Variants in PKHD1 observed in about 807,000 individuals in gnomAD.
The protein encoded by PKHD1 is fibrocystin.
A neutral mutation model predicts 412.0 loss-of-function variants in PKHD1; 291 were observed. The ratio of observed to expected loss-of-function variants is 0.71; its 90% confidence interval spans 0.64 to 0.78. The LOEUF (loss-of-function observed/expected upper bound fraction) is 0.78, where lower values mean the gene tolerates loss of function less well. PKHD1 is among the 30% of genes least tolerant of loss of function. PKHD1 has a pLI of 0.00. For missense variants in PKHD1, 4,825 were observed against 4,950.7 expected, an observed-to-expected ratio of 0.97 and a Z score of 0.76; for synonymous variants, 1,777 against 1,821.5, an observed-to-expected ratio of 0.98 and a Z score of 0.62.
At chr6:51,897,043 T>A (rs1780181322) in intron 43 of PKHD1, among the ~76,000 whole-genome samples, 2 of 150,986 alleles carry the variant, frequency 1.3e-5, no homozygotes, top group Non-Finnish European at 3.0e-5. Flanking sequence ...CTGATTGGTG[T>A]ACCTGAAAGT....
chr6:51,934,421 T>C (rs909819329), intron 36 of PKHD1, 99 bp from the exon 37 acceptor site: 1 of 780,350 alleles, frequency 1.3e-6, no homozygotes, highest in East Asian at 2.6e-5. Flanking sequence ...TAAATACTTC[T>C]GCTGGAATGT....
intron 63 of PKHD1, among the ~76,000 whole-genome samples, chr6:51,642,067 T>C (rs1229289604): frequency 6.6e-6 from 1 of 152,008 alleles, no homozygotes; most frequent in Non-Finnish European, 1.5e-5. Flanking sequence ...AATAGATAAA[T>C]AAATAAAGAG....
At chr6:51,642,014 T>A (rs1396107305) in intron 63 of PKHD1, among the ~76,000 whole-genome samples, 2 of 152,136 alleles carry the variant, frequency 1.3e-5, no homozygotes, top group African/African-American at 2.4e-5. Context: ...CTGCATGTTC[T>A]GCACATGTAT....
intron 60 of PKHD1, among the ~76,000 whole-genome samples, chr6:51,731,829 T>C (rs1783274395): frequency 6.6e-6 from 1 of 152,176 alleles, no homozygotes; most frequent in African/African-American, 2.4e-5. Context: ...GGAGCTAAGC[T>C]TCAAATTATG....
rs9370096 is a variant in PKHD1, at chr6:52,050,158, G to A, written c.2278C>T (p.Arg760Cys). The change falls in exon 22 of 67, where the codon CGC becomes TGC. Residue 760 changes from arginine (R) to cysteine (C), a missense_variant and splice_region_variant. By Grantham distance (180) the Arg-to-Cys change is radical. Coordinates refer to ENST00000371117, the MANE Select transcript of PKHD1 (RefSeq NM_138694.4). ...AGGTGTAAAAAAGCCACTCCTTACC[G>A]TGCAGTGATGAGCGGGAGCTCCGTG... ...CGTELPLITA[R>C]SVPTEGTEEG... 794,916 of 1,613,046 alleles carry A rather than the reference G, an allele frequency of 0.49. 203,806 individuals are homozygous for A. Among genetic ancestry groups the A allele is most frequent in the Admixed American group, 0.62 (37,126 of 59,996 alleles).
chr6:51,980,888 C>T (rs1170495675), intron 35 of PKHD1, among the ~76,000 whole-genome samples: 1 of 152,152 alleles, frequency 6.6e-6, no homozygotes, highest in Non-Finnish European at 1.5e-5. Flanking sequence ...ATACAGTCCA[C>T]TTGAAGAAAG....
At chr6:51,847,687 A>G in intron 50 of PKHD1, 88 bp downstream of exon 50, 1 of 964,094 alleles carries the variant, frequency 1.0e-6, no homozygotes. Flanking sequence ...GTTCCTCAGC[A>G]CTTCACAGCA....
At chr6:51,927,211 C>T (rs190828348) in intron 37 of PKHD1, among the ~76,000 whole-genome samples, 112 of 152,194 alleles carry the variant, frequency 7.4e-4, no homozygotes, top group Middle Eastern at 6.8e-3. Flanking sequence ...ATGACAGTGG[C>T]TCTCCCCTTC....
intron 57 of PKHD1, among the ~76,000 whole-genome samples, chr6:51,752,734 A>G (rs1400462358): frequency 6.6e-6 from 1 of 152,242 alleles, no homozygotes; most frequent in Non-Finnish European, 1.5e-5. Context: ...CAAAAGGGCT[A>G]AAACTTGAAA....
chr6:51,897,634 T>C (rs1408865173), intron 43 of PKHD1, among the ~76,000 whole-genome samples: 1 of 145,738 alleles, frequency 6.9e-6, no homozygotes, highest in Non-Finnish European at 1.5e-5. Flanking sequence ...GCTAACATCA[T>C]AATGACAGGA....
intron 36 of PKHD1, among the ~76,000 whole-genome samples, chr6:51,947,389 A>G (rs1561956342): frequency 6.6e-6 from 1 of 152,248 alleles, no homozygotes; most frequent in Non-Finnish European, 1.5e-5. Flanking sequence ...AAAACCTCAT[A>G]AAATGCAAAA....
chr6:51,849,199 A>G (rs1771743242), intron 49 of PKHD1, among the ~76,000 whole-genome samples: 2 of 152,176 alleles, frequency 1.3e-5, no homozygotes, highest in South Asian at 4.1e-4. Flanking sequence ...GATGGCTTCT[A>G]GCTTCATCCA....
At chr6:52,048,756 G>C in intron 22 of PKHD1, 137 bp from the exon 23 acceptor site, 2 of 961,514 alleles carry the variant, frequency 2.1e-6, no homozygotes, top group Non-Finnish European at 3.2e-6. Context: ...AACTCAGTAA[G>C]GGAGTTTTCA....
intron 60 of PKHD1, among the ~76,000 whole-genome samples, chr6:51,676,566 C>A (rs1465327265): frequency 6.6e-6 from 1 of 151,762 alleles, no homozygotes; most frequent in Non-Finnish European, 1.5e-5. Context: ...GAAATGAAAT[C>A]ATTTACAATT....
intron 46 of PKHD1, among the ~76,000 whole-genome samples, chr6:51,871,744 A>C (rs1308563888): frequency 8.4e-6 from 1 of 119,008 alleles, no homozygotes. Flanking sequence ...TTTCCACAAA[A>C]TCTCTTTGAC....
chr6:51,667,864 G>A (rs1379032382), intron 60 of PKHD1, among the ~76,000 whole-genome samples: 17 of 151,404 alleles, frequency 1.1e-4, no homozygotes, highest in Admixed American at 2.0e-4. Context: ...GTAGATACGC[G>A]GCGTTATTTC....
At chr6:51,790,263 C>G (rs2151254184) in intron 53 of PKHD1, among the ~76,000 whole-genome samples, 1 of 152,274 alleles carries the variant, frequency 6.6e-6, no homozygotes, top group East Asian at 1.9e-4. Flanking sequence ...TAAATTAGTT[C>G]CTTTGGAGAC....
At position 51,748,035 on chromosome 6, in the gene PKHD1, T is replaced by C. The variant is rs1324432787; in HGVS notation, c.9581A>G (p.Lys3194Arg). The change falls in exon 58 of 67, where the codon AAA becomes AGA. Residue 3194 changes from lysine to arginine, a missense_variant. Lys to Arg is a conservative substitution (Grantham distance 26, BLOSUM62 2). Transcript: ENST00000371117. ...YVFSAPQNSV[K>R]KVQIVLRNSV... ...ATTCCTAAGCACAATCTGCACTTTT[T>C]TGACGGAATTTTGTGGAGCAGAAAA... The C allele has an allele frequency of 4.3e-6, 7 of 1,613,996 alleles. No individual in the cohort carries two copies. Among genetic ancestry groups the C allele is most frequent in the Admixed American group, 3.3e-5 (2 of 59,966 alleles).
rs1432213391 is a variant in PKHD1, at chr6:51,748,055, A to G, written c.9561T>C (p.Ser3187=). ...CTTTTTTGACGGAATTTTGTGGAGC[A>G]GAAAATACATACACTACTGCCAAAA... The part of the protein sequence containing the change: ...IGLLAVVYVF[S]APQNSVKKVQ... Residue 3187 remains serine (S), a synonymous_variant, in exon 58 of 67, where the codon TCT becomes TCC. Coordinates refer to ENST00000371117, the MANE Select transcript of PKHD1 (RefSeq NM_138694.4). 3.1e-6 allele frequency: 5 copies of G among 1,614,014 alleles called. 1 individual carries two copies. The highest frequency in any genetic ancestry group is 4.2e-6 in the Non-Finnish European group (5 of 1,180,000).
Sources: allele counts gnomAD v4.1 joint callset (sites outside exome capture counted in the v4.1 genomes callset), GRCh38; gene constraint gnomAD v4.1.1; transcripts MANE v1.5; gene names NCBI Gene and HGNC (gene_info 2026-07-23, HGNC 2026-07-21).